The following PCDH15 variants were observed in gnomAD, a reference collection of about 807,000 sequenced individuals.
PCDH15 encodes protocadherin related 15.
Under a neutral mutation model 178.5 loss-of-function variants are expected in PCDH15, and 129 were observed. That is an observed-to-expected ratio of 0.72 (90% CI 0.63 to 0.84). The LOEUF is 0.84. PCDH15 is among the 40% of genes least tolerant of loss of function. PCDH15 has a pLI of 0.00. For synonymous variants in PCDH15, 800 were observed against 732.0 expected (o/e 1.09, Z -1.50); for missense variants, 2,230 against 2,099.9 (o/e 1.06, Z -1.21).
chr10:54,127,705 C>T (rs909461598), intron 15 of PCDH15, among the ~76,000 whole-genome samples: 1 of 152,064 alleles, frequency 6.6e-6, no homozygotes, highest in African/African-American at 2.4e-5. Flanking sequence ...AAGTCCAAGC[C>T]TGCATTATAT....
chr10:53,978,054 G>T (rs2090335612), intron 21 of PCDH15, among the ~76,000 whole-genome samples: 1 of 152,114 alleles, frequency 6.6e-6, no homozygotes, highest in Non-Finnish European at 1.5e-5. Flanking sequence ...GCTTTTCCAG[G>T]CACACACAGC....
intron 2 of PCDH15, among the ~76,000 whole-genome samples, chr10:54,930,808 A>G (rs1283595559): frequency 6.6e-6 from 1 of 152,190 alleles, no homozygotes; most frequent in Non-Finnish European, 1.5e-5. Flanking sequence ...AATTCAGTTA[A>G]TAGTTCTTGT....
chr10:53,834,897 A>G (rs1420537330), intron 29 of PCDH15, among the ~76,000 whole-genome samples: 1 of 152,210 alleles, frequency 6.6e-6, no homozygotes, highest in African/African-American at 2.4e-5. Context: ...AAGGGTGAGC[A>G]GGAGATTGTA....
intron 25 of PCDH15, among the ~76,000 whole-genome samples, chr10:53,915,417 T>C (rs976067907): frequency 2.0e-5 from 3 of 152,218 alleles, no homozygotes; most frequent in Non-Finnish European, 4.4e-5. Context: ...TTTTCAAATT[T>C]AGCTTGGACA....
chr10:54,171,971 C>A (rs1024346362), intron 13 of PCDH15, among the ~76,000 whole-genome samples: 10 of 151,238 alleles, frequency 6.6e-5, no homozygotes, highest in South Asian at 4.2e-4. Flanking sequence ...CATTCTCTCT[C>A]CATACCACCC....
chr10:54,971,189 C>A (rs530255701), intron 2 of PCDH15, among the ~76,000 whole-genome samples: 1 of 152,064 alleles, frequency 6.6e-6, no homozygotes, highest in South Asian at 2.1e-4. Flanking sequence ...TGTCCCCTCC[C>A]AAATTCATGT....
chr10:54,655,446 T>TG (rs1249058793), intron 2 of PCDH15: 15 of 151,548 alleles, frequency 9.9e-5, no homozygotes, highest in Non-Finnish European at 2.1e-4. Flanking sequence ...TGTGTGTGTG[T>TG]GTGTGTGTGT....
intron 28 of PCDH15, among the ~76,000 whole-genome samples, chr10:53,850,364 C>T (rs1350164637): frequency 6.6e-6 from 1 of 152,032 alleles, no homozygotes; most frequent in Admixed American, 6.5e-5. Flanking sequence ...ATTGGGGTAT[C>T]TTCAGTTCTG....
intron 2 of PCDH15, among the ~76,000 whole-genome samples, chr10:55,455,877 T>C (rs1281552398): frequency 6.6e-6 from 1 of 152,152 alleles, no homozygotes; most frequent in East Asian, 1.9e-4. Context: ...GTGATTTGAG[T>C]GTTAAATTAA....
At chr10:54,434,042 A>T (rs7074774) in intron 3 of PCDH15, among the ~76,000 whole-genome samples, 4,960 of 152,216 alleles carry the variant, frequency 0.033, 283 homozygotes, top group African/African-American at 0.11. Flanking sequence ...CCTAGGCTAA[A>T]ATGTGTTTAA....
chr10:55,062,614 G>T (rs1348359548), intron 2 of PCDH15, among the ~76,000 whole-genome samples: 1 of 152,152 alleles, frequency 6.6e-6, no homozygotes, highest in Non-Finnish European at 1.5e-5. Context: ...GAGCACAGAG[G>T]ATTTTTAGGG....
chr10:53,810,400 C>A, intron 37 of PCDH15, 156 bp downstream of exon 37: 1 of 600,236 alleles, frequency 1.7e-6, no homozygotes, highest in Non-Finnish European at 2.9e-6. Context: ...AAAGACAAGG[C>A]AATGAAACGG....
intron 28 of PCDH15, among the ~76,000 whole-genome samples, chr10:53,847,616 GA>G (rs1489919582): frequency 6.6e-6 from 1 of 152,056 alleles, no homozygotes; most frequent in African/African-American, 2.4e-5. Context: ...TTTTGTCCCA[GA>G]AGAGATATGG....
chr10:55,002,724 G>T (rs892272691), intron 2 of PCDH15, among the ~76,000 whole-genome samples: 2 of 152,120 alleles, frequency 1.3e-5, no homozygotes, highest in Admixed American at 1.3e-4. Context: ...GTCCCTGTAG[G>T]CCCAAGTACT....
chr10:55,072,531 T>C (rs1286431166), intron 2 of PCDH15, among the ~76,000 whole-genome samples: 2 of 152,094 alleles, frequency 1.3e-5, no homozygotes, highest in Middle Eastern at 3.4e-3. Flanking sequence ...ACATACACCC[T>C]CCCAAGACTA....
chr10:54,792,076 C>A (rs1456792076), intron 1 of PCDH15, among the ~76,000 whole-genome samples: 2 of 151,856 alleles, frequency 1.3e-5, no homozygotes, highest in African/African-American at 4.8e-5. Flanking sequence ...AGTGAGCCCT[C>A]TGGGTTTCCT....
chr10:54,591,245 C>A (rs569677037), intron 2 of PCDH15, among the ~76,000 whole-genome samples: 1 of 152,234 alleles, frequency 6.6e-6, no homozygotes, highest in Non-Finnish European at 1.5e-5. Flanking sequence ...AAGTTAAGAA[C>A]CTCCATATGG....
At chr10:54,342,537 A>G (rs893664185) in intron 6 of PCDH15, among the ~76,000 whole-genome samples, 1 of 152,130 alleles carries the variant, frequency 6.6e-6, no homozygotes, top group Non-Finnish European at 1.5e-5. Flanking sequence ...CTCATGGAAA[A>G]CATCTACTAG....
intron 2 of PCDH15, among the ~76,000 whole-genome samples, chr10:54,655,256 A>AGAGAGAGG: frequency 2.0e-5 from 1 of 48,908 alleles, no homozygotes; most frequent in African/African-American, 8.3e-5. Context: ...GAAAGAAAGA[A>AGAGAGAGG]AGAGAGAGAG....
Sources: gnomAD v4.1 joint callset for allele counts (sites outside exome capture counted in the v4.1 genomes callset) on GRCh38, gnomAD v4.1.1 for gene constraint, MANE v1.5 for transcripts, NCBI Gene and HGNC (gene_info 2026-07-23, HGNC 2026-07-21) for gene names.